The following PPM1L variants were observed in gnomAD, a reference collection of about 807,000 sequenced individuals.
PPM1L encodes protein phosphatase 1L.
Under a neutral mutation model 31.4 loss-of-function variants are expected in PPM1L, and 13 were observed. The observed-to-expected ratio is 0.41, with a 90% CI of 0.27 to 0.66. The LOEUF (loss-of-function observed/expected upper bound fraction) is 0.66. PPM1L is among the 30% of genes least tolerant of loss of function. The pLI, the probability that PPM1L is intolerant of heterozygous loss-of-function variation, is 0.29. For missense variants in PPM1L, 326 were observed against 453.7 expected (o/e 0.72, Z 2.56); for synonymous variants, 184 against 175.4 (o/e 1.05, Z -0.39).
chr3:160,774,741 T>C (rs112463912), intron 1 of PPM1L, among the ~76,000 whole-genome samples: 2,535 of 152,328 alleles, frequency 0.017, 68 homozygotes, highest in African/African-American at 0.057. Flanking sequence ...TATTTCAAGG[T>C]TCCCCTCGAT....
At chr3:161,033,307 C>T (rs868603710) in intron 2 of PPM1L, among the ~76,000 whole-genome samples, 2 of 152,122 alleles carry the variant, frequency 1.3e-5, no homozygotes, top group Admixed American at 6.5e-5. Flanking sequence ...ATCAAGCTAC[C>T]ATTGACTTTC....
rs1022637611 is a variant in PPM1L at position 161,003,266 on chromosome 3, G to A, written c.574+41356G>A. Among the ~76,000 whole-genome samples the A allele has an allele frequency of 1.0e-3, 149 of 149,700 alleles. No individual in the cohort carries two copies. In the Middle Eastern group the frequency reaches 0.01, roughly 10 times the overall value. ...GCCTTGTAGTATAGTTTGAAGTCAGGTAGTGTGATGCCTCCAGCTTTGTTC... is the reference window on the plus strand; with the variant it reads ...GCCTTGTAGTATAGTTTGAAGTCAGATAGTGTGATGCCTCCAGCTTTGTTC... On this transcript the variant is annotated intron_variant, in intron 2 of 3. Coordinates refer to ENST00000498165, the MANE Select transcript of PPM1L (RefSeq NM_139245.4).
chr3:160,771,149 T>G (rs1715245121), intron 1 of PPM1L, among the ~76,000 whole-genome samples: 1 of 152,212 alleles, frequency 6.6e-6, no homozygotes, highest in South Asian at 2.1e-4. Flanking sequence ...GAAGAGTATT[T>G]TGAATTTGTA....
chr3:160,897,264 A>C (rs1713367949), intron 1 of PPM1L, among the ~76,000 whole-genome samples: 1 of 151,882 alleles, frequency 6.6e-6, no homozygotes, highest in African/African-American at 2.4e-5. Flanking sequence ...GATGGTCTCG[A>C]TCTCTTGACC....
intron 1 of PPM1L, among the ~76,000 whole-genome samples, chr3:160,946,219 C>G (rs764276337): frequency 1.3e-5 from 2 of 152,146 alleles, no homozygotes; most frequent in Non-Finnish European, 2.9e-5. Flanking sequence ...AACTTGCCTA[C>G]ATAAAATATT....
chr3:160,928,810 G>A (rs6797798), intron 1 of PPM1L, among the ~76,000 whole-genome samples: 75,131 of 151,914 alleles, frequency 0.49, 19,606 homozygotes, highest in Non-Finnish European at 0.59. Context: ...GGCCTTCGCC[G>A]GAGACTGAAC....
chr3:160,924,163 A>G (rs1357479381), intron 1 of PPM1L, among the ~76,000 whole-genome samples: 4 of 152,174 alleles, frequency 2.6e-5, no homozygotes, highest in African/African-American at 9.7e-5. Flanking sequence ...TTGAGCCACA[A>G]TTTCTGTCCC....
intron 1 of PPM1L, among the ~76,000 whole-genome samples, chr3:160,944,802 C>CATATAGTATATATGTT (rs1715286382): frequency 7.0e-5 from 1 of 14,336 alleles, no homozygotes; most frequent in African/African-American, 1.5e-4. Flanking sequence ...TTATATATAA[C>CATATAGTATATATGTT]ATATATAACA....
intron 2 of PPM1L, among the ~76,000 whole-genome samples, chr3:160,995,555 A>T (rs1285191418): frequency 2.0e-5 from 3 of 152,152 alleles, no homozygotes; most frequent in African/African-American, 7.2e-5. Flanking sequence ...TCCTGTCCCC[A>T]GGTGATCCAC....
chr3:160,842,085 G>A (rs1237681142), intron 1 of PPM1L: 4 of 550,704 alleles, frequency 7.3e-6, no homozygotes, highest in Non-Finnish European at 6.5e-6. Flanking sequence ...ATGAGCCCCA[G>A]ATGAGTGGGT....
intron 1 of PPM1L, chr3:160,842,139 T>A (rs1178084688): frequency 7.9e-6 from 5 of 631,168 alleles, no homozygotes; most frequent in Non-Finnish European, 1.4e-5. Flanking sequence ...AGGAGAGAGA[T>A]TTTGTGTGCG....
intron 2 of PPM1L, among the ~76,000 whole-genome samples, chr3:161,014,258 C>G (rs962565836): frequency 2.6e-5 from 4 of 152,016 alleles, no homozygotes; most frequent in Non-Finnish European, 5.9e-5. Flanking sequence ...GGAAGGAATG[C>G]TTACTGTGAT....
intron 1 of PPM1L, among the ~76,000 whole-genome samples, chr3:160,915,680 C>CA (rs1714145230): frequency 6.6e-6 from 1 of 152,080 alleles, no homozygotes; most frequent in Non-Finnish European, 1.5e-5. Flanking sequence ...CTACAGTAAC[C>CA]AAACAGCATG....
intron 1 of PPM1L, among the ~76,000 whole-genome samples, chr3:160,895,253 C>G (rs1204257479): frequency 1.3e-5 from 2 of 152,164 alleles, no homozygotes; most frequent in Non-Finnish European, 2.9e-5. Flanking sequence ...CATTCTGTTA[C>G]CCAGGCTGGG....
chr3:160,953,899 G>A (rs1006974367), intron 1 of PPM1L, among the ~76,000 whole-genome samples: 1 of 152,158 alleles, frequency 6.6e-6, no homozygotes, highest in East Asian at 1.9e-4. Context: ...TTGAAGGCAT[G>A]TTTTTCTTTC....
At chr3:160,834,781 T>G (rs1453106194) in intron 1 of PPM1L, among the ~76,000 whole-genome samples, 1 of 152,180 alleles carries the variant, frequency 6.6e-6, no homozygotes, top group Non-Finnish European at 1.5e-5. Context: ...TTCATTTCCG[T>G]GTAGTATTCC....
At chr3:160,934,101 A>G (rs545416397) in intron 1 of PPM1L, among the ~76,000 whole-genome samples, 3 of 152,262 alleles carry the variant, frequency 2.0e-5, no homozygotes, top group African/African-American at 4.8e-5. Context: ...TATGAAAATA[A>G]GAAATCTGGA....
At chr3:160,866,229 G>A (rs1712082223) in intron 1 of PPM1L, among the ~76,000 whole-genome samples, 1 of 152,176 alleles carries the variant, frequency 6.6e-6, no homozygotes, top group African/African-American at 2.4e-5. Flanking sequence ...GCTGTATTTA[G>A]TACTATACAA....
At chr3:160,881,476 A>G (rs1161748438) in intron 1 of PPM1L, among the ~76,000 whole-genome samples, 1 of 152,116 alleles carries the variant, frequency 6.6e-6, no homozygotes, top group Non-Finnish European at 1.5e-5. Context: ...GGTATATAAT[A>G]CTGCTCTTGG....
Sources: allele counts gnomAD v4.1 joint callset (sites outside exome capture counted in the v4.1 genomes callset), GRCh38; gene constraint gnomAD v4.1.1; transcripts MANE v1.5; gene names NCBI Gene and HGNC (gene_info 2026-07-23, HGNC 2026-07-21).